HORMAD2: variants seen among roughly 807,000 people sequenced by gnomAD.
The protein encoded by HORMAD2 is HORMA domain containing 2, also known as HORMA domain-containing protein 2.
In HORMAD2, 45 loss-of-function variants were observed where a neutral mutation model predicts 38.8. The ratio of observed to expected loss-of-function variants is 1.16; its 90% CI spans 0.91 to 1.49. The LOEUF is 1.49. Ranked by LOEUF, HORMAD2 falls within the 40% of genes most tolerant of loss-of-function variation. The pLI, the probability that HORMAD2 is intolerant of heterozygous loss-of-function variation, is 0.00. For synonymous variants in HORMAD2, 126 were observed against 122.8 expected (o/e 1.03, Z -0.17); for missense variants, 338 against 367.0 (o/e 0.92, Z 0.65).
chr22:30,139,552 G>A (rs1023502512), intron 10 of HORMAD2, among the ~76,000 whole-genome samples: 1 of 151,670 alleles, frequency 6.6e-6, no homozygotes, highest in Non-Finnish European at 1.5e-5. Context: ...AATAGATATA[G>A]TTTCACTTCT....
At position 30,122,171 on chromosome 22, in the gene HORMAD2, A is replaced by T. The variant is rs1264631374; in HGVS notation, c.776A>T (p.His259Leu). The change falls in exon 10 of 11, where the codon CAT becomes CTT. Residue 259 changes from histidine (H) to leucine (L), a missense_variant. Transcript: ENST00000336726. ...FRENSTTEIA[H>L]QGLDCDEEEE... ...GAGAACAGCACTACTGAGATCGCCCATCAGGGTCTAGACTGTGATGAGGAA... is the reference window on the plus strand; with the variant it reads ...GAGAACAGCACTACTGAGATCGCCCTTCAGGGTCTAGACTGTGATGAGGAA... 1 of 1,613,428 alleles carries T rather than the reference A, an allele frequency of 6.2e-7. No homozygotes were observed. The highest frequency in any genetic ancestry group is 1.3e-5 in the African/African-American group (1 of 74,918).
In HORMAD2 at chr22:30,139,658, C is replaced by T. The variant is rs372299043; in HGVS notation, c.819+17444C>T. Among the ~76,000 whole-genome samples, 22 of 152,004 alleles carry T rather than the reference C, an allele frequency of 1.4e-4. No homozygotes were observed. In the East Asian group the frequency reaches 2.5e-3, roughly 17 times the overall value. ...TGTTGAATAGAAGTGAAGAGACGTCCTTGTCTTGTTCCTAATCTTAGAGAA... is the reference window on the plus strand; with the variant it reads ...TGTTGAATAGAAGTGAAGAGACGTCTTTGTCTTGTTCCTAATCTTAGAGAA... On this transcript the variant is annotated intron_variant, in intron 10 of 10. Coordinates refer to ENST00000336726, the MANE Select transcript of HORMAD2 (RefSeq NM_152510.4).
intron 10 of HORMAD2, among the ~76,000 whole-genome samples, chr22:30,132,974 A>T (rs1386405740): frequency 3.3e-5 from 5 of 152,218 alleles, no homozygotes; most frequent in Admixed American, 3.3e-4. Context: ...TAAAATAAAT[A>T]AATTTTGTTT....
intron 10 of HORMAD2, among the ~76,000 whole-genome samples, chr22:30,140,436 T>C (rs1423534951): frequency 6.6e-6 from 1 of 152,188 alleles, no homozygotes; most frequent in Non-Finnish European, 1.5e-5. Flanking sequence ...TTGTGGATAG[T>C]TTTAAAAATT....
chr22:30,175,797 G>C (rs147638978), intron 10 of HORMAD2, among the ~76,000 whole-genome samples: 1 of 152,222 alleles, frequency 6.6e-6, no homozygotes, highest in Non-Finnish European at 1.5e-5. Context: ...CTCAAGAGTT[G>C]GATGTGTTGA....
chr22:30,154,707 A>C (rs780594428), intron 10 of HORMAD2, among the ~76,000 whole-genome samples: 2 of 152,170 alleles, frequency 1.3e-5, no homozygotes, highest in Non-Finnish European at 2.9e-5. Context: ...TATTTTTTAG[A>C]ATGTCCTTCA....
At chr22:30,143,747 A>G (rs937155700) in intron 10 of HORMAD2, among the ~76,000 whole-genome samples, 2 of 152,188 alleles carry the variant, frequency 1.3e-5, no homozygotes, top group African/African-American at 2.4e-5. Context: ...GTCCTGCCCA[A>G]TCCTCATGTT....
downstream of HORMAD2, among the ~76,000 whole-genome samples, chr22:30,181,446 G>A (rs957014538): frequency 3.9e-5 from 6 of 151,972 alleles, no homozygotes; most frequent in Admixed American, 1.3e-4. Context: ...TCCCTAAATC[G>A]AAACTCCCTT....
chr22:30,110,809 T>C (rs1470137632), intron 5 of HORMAD2, among the ~76,000 whole-genome samples: 3 of 152,118 alleles, frequency 2.0e-5, no homozygotes, highest in Non-Finnish European at 4.4e-5. Context: ...TTTCAATAAA[T>C]ACAGTTGGCC....
chr22:30,125,216 C>CTTTTTTTTTTTTTG (rs1922759445), intron 10 of HORMAD2, among the ~76,000 whole-genome samples: 1 of 43,484 alleles, frequency 2.3e-5, no homozygotes, highest in African/African-American at 1.0e-4. Context: ...TTTTTCTTTT[C>CTTTTTTTTTTTTTG]TTTTTTTTTT....
At chr22:30,201,543 G>A in the HORMAD2 span, among the ~76,000 whole-genome samples, 3 of 148,984 alleles carry the variant, frequency 2.0e-5, no homozygotes, top group South Asian at 6.5e-4. Flanking sequence ...TCAGCCTCCC[G>A]AGTAGCTGGG....
chr22:30,189,235 G>A, the HORMAD2 span, among the ~76,000 whole-genome samples: 1 of 152,096 alleles, frequency 6.6e-6, no homozygotes, highest in Non-Finnish European at 1.5e-5. Flanking sequence ...GAATGACAAG[G>A]CATTGGGACA....
intron 10 of HORMAD2, among the ~76,000 whole-genome samples, chr22:30,151,772 T>C (rs1173787694): frequency 1.3e-5 from 2 of 152,194 alleles, no homozygotes; most frequent in Non-Finnish European, 1.5e-5. Flanking sequence ...TAATAAAAGA[T>C]AGTTTGAAAG....
At chr22:30,192,121 C>G in the HORMAD2 span, 1 of 152,394 alleles carries the variant, frequency 6.6e-6, no homozygotes, top group East Asian at 1.9e-4. Flanking sequence ...GTGGTCAACT[C>G]AATGTACATA....
chr22:30,094,131 G>A, intron 2 of HORMAD2, 128 bp downstream of exon 2: 1 of 637,752 alleles, frequency 1.6e-6, no homozygotes, highest in Non-Finnish European at 2.7e-6. Flanking sequence ...TAATATTCTG[G>A]GAGAGTATGT....
intron 10 of HORMAD2, among the ~76,000 whole-genome samples, chr22:30,163,298 G>T (rs1925566534): frequency 6.6e-6 from 1 of 152,150 alleles, no homozygotes; most frequent in Non-Finnish European, 1.5e-5. Flanking sequence ...AGACACCTAG[G>T]GGGCCAGAAG....
chr22:30,101,288 A>G lies in HORMAD2; in HGVS notation c.194-2149A>G, dbSNP rs140308210. Among the ~76,000 whole-genome samples the G allele has an allele frequency of 1.7e-3, 253 of 152,296 alleles. 1 individual carries two copies. The highest frequency in any genetic ancestry group is 2.6e-4 in the Non-Finnish European group (18 of 68,024). ...ATTAGTTCATGTCCTTTGTAGGAAC[A>G]TGGATGATGCTGGAAACCATCATTC... On this transcript the variant is annotated intron_variant, in intron 3 of 10. Transcript: ENST00000336726.
intron 4 of HORMAD2, 63 bp downstream of exon 4, chr22:30,103,563 A>G (rs1006122003): frequency 7.9e-6 from 6 of 757,928 alleles, no homozygotes; most frequent in African/African-American, 3.6e-5. Context: ...GAAATTACCC[A>G]TAAGACTTTA....
intron 10 of HORMAD2, among the ~76,000 whole-genome samples, chr22:30,147,974 A>C (rs1924521020): frequency 6.6e-6 from 1 of 152,196 alleles, no homozygotes; most frequent in Non-Finnish European, 1.5e-5. Flanking sequence ...ATGATGCAGA[A>C]ATTTTCACTC....
Sources: gnomAD v4.1 joint callset for allele counts (sites outside exome capture counted in the v4.1 genomes callset) on GRCh38, gnomAD v4.1.1 for gene constraint, MANE v1.5 for transcripts, NCBI Gene and HGNC (gene_info 2026-07-23, HGNC 2026-07-21) for gene names.